Variants in EML4 observed in about 807,000 individuals in gnomAD.
The protein encoded by EML4 is echinoderm microtubule-associated protein-like 4.
EML4 carries 72 observed loss-of-function variants against 129.0 expected under a neutral mutation model. That is an observed-to-expected ratio of 0.56 (90% CI 0.46 to 0.68). The LOEUF is 0.68. Among genes scored for constraint, EML4 ranks in the 30% least tolerant of loss-of-function variants. EML4 has a pLI of 0.00. For synonymous variants in EML4, 532 were observed against 405.0 expected (o/e 1.31, Z -3.77); for missense variants, 1,363 against 1,190.6 (o/e 1.14, Z -2.13).
At chr2:42,273,124 G>C (rs1455518098) in intron 6 of EML4, among the ~76,000 whole-genome samples, 3 of 151,998 alleles carry the variant, frequency 2.0e-5, no homozygotes, top group Non-Finnish European at 2.9e-5. Context: ...GTGCAACTTG[G>C]TATATTCATA....
At chr2:42,284,956 A>T (rs1295156046) in intron 9 of EML4, among the ~76,000 whole-genome samples, 1 of 152,200 alleles carries the variant, frequency 6.6e-6, no homozygotes, top group African/African-American at 2.4e-5. Flanking sequence ...GGGAAAACTG[A>T]TACGCTCGTT....
intron 2 of EML4, among the ~76,000 whole-genome samples, chr2:42,248,266 G>T (rs1675540625): frequency 6.6e-6 from 1 of 151,926 alleles, no homozygotes; most frequent in South Asian, 2.1e-4. Context: ...ACAGTGCATT[G>T]TAATTTTATG....
At chr2:42,259,267 G>A (rs1430467804) in intron 3 of EML4, among the ~76,000 whole-genome samples, 1 of 151,526 alleles carries the variant, frequency 6.6e-6, no homozygotes, top group Non-Finnish European at 1.5e-5. Flanking sequence ...CAGGGGGAGG[G>A]GGGCGGCAGA....
intron 21 of EML4, among the ~76,000 whole-genome samples, chr2:42,328,400 G>A: frequency 6.6e-6 from 1 of 152,164 alleles, no homozygotes; most frequent in Admixed American, 6.5e-5. Flanking sequence ...ACTAGTGGAT[G>A]GCCTATGCTT....
chr2:42,326,569 G>A (rs1450373665), intron 21 of EML4, among the ~76,000 whole-genome samples: 1 of 152,156 alleles, frequency 6.6e-6, no homozygotes, highest in Non-Finnish European at 1.5e-5. Context: ...TGAGATACAT[G>A]CCATACAATT....
intron 1 of EML4, among the ~76,000 whole-genome samples, chr2:42,216,209 G>GCT (rs888630522): frequency 7.1e-6 from 1 of 140,050 alleles, no homozygotes; most frequent in Non-Finnish European, 1.5e-5. Flanking sequence ...ACAAGCATGA[G>GCT]CTACCACACC....
chr2:42,267,165 G>A lies in EML4; in HGVS notation c.667+2434G>A, dbSNP rs532713140. Among the ~76,000 whole-genome samples, 9 of 152,174 alleles carry A rather than the reference G, an allele frequency of 5.9e-5. No homozygotes were observed. In the South Asian group the frequency reaches 1.7e-3, roughly 28 times the overall value. ...AATAATAAGCCATTAAAGGGTTACT[G>A]TAAAAATTATAGTAATAAAGTGTAC... On this transcript the variant is annotated intron_variant, in intron 6 of 22. Coordinates refer to ENST00000318522, the MANE Select transcript of EML4 (RefSeq NM_019063.5).
intron 5 of EML4, among the ~76,000 whole-genome samples, chr2:42,264,115 T>TTG (rs1441705539): frequency 1.4e-5 from 2 of 143,422 alleles, no homozygotes; most frequent in Non-Finnish European, 3.1e-5. Flanking sequence ...TTTTTTTTTT[T>TTG]TTTTTTTTTT....
intron 6 of EML4, among the ~76,000 whole-genome samples, chr2:42,265,405 A>T (rs1038895115): frequency 2.6e-5 from 4 of 151,468 alleles, no homozygotes; most frequent in African/African-American, 9.7e-5. Flanking sequence ...GCACCCGGCC[A>T]ATTTTTGTAT....
At chr2:42,291,979 C>G (rs1359317414) in intron 11 of EML4, among the ~76,000 whole-genome samples, 1 of 152,072 alleles carries the variant, frequency 6.6e-6, no homozygotes, top group Non-Finnish European at 1.5e-5. Context: ...GTGAAAAAGA[C>G]AAAAATACTA....
intron 1 of EML4, among the ~76,000 whole-genome samples, chr2:42,208,767 T>C (rs191018194): frequency 1.3e-5 from 2 of 150,228 alleles, no homozygotes; most frequent in East Asian, 4.0e-4. Flanking sequence ...TTTTTTACTT[T>C]TTTGAGACAG....
chr2:42,303,592 T>C, intron 16 of EML4, 146 bp downstream of exon 16: 1 of 897,010 alleles, frequency 1.1e-6, no homozygotes, highest in East Asian at 2.7e-5. Flanking sequence ...GATAAGAGGG[T>C]AGCGTTTAGT....
intron 11 of EML4, among the ~76,000 whole-genome samples, chr2:42,293,810 C>T (rs1004996114): frequency 6.6e-6 from 1 of 152,186 alleles, no homozygotes; most frequent in Non-Finnish European, 1.5e-5. Context: ...GGGGTTTCAC[C>T]ATCTTGGCCA....
intron 1 of EML4, among the ~76,000 whole-genome samples, chr2:42,170,879 A>G (rs1186795860): frequency 6.6e-6 from 1 of 152,248 alleles, no homozygotes; most frequent in Admixed American, 6.5e-5. Context: ...GATGAGATGG[A>G]TTTTTAAAAT....
At chr2:42,301,212 C>T (rs757057682) in intron 13 of EML4, 29 bp from the exon 14 acceptor site, 3 of 1,584,220 alleles carry the variant, frequency 1.9e-6, no homozygotes, top group Non-Finnish European at 2.6e-6. Context: ...AGTATTATCA[C>T]TAGTGTTTTT....
At chr2:42,252,868 C>T (rs914312561) in intron 2 of EML4, among the ~76,000 whole-genome samples, 6 of 152,172 alleles carry the variant, frequency 3.9e-5, no homozygotes, top group African/African-American at 9.7e-5. Flanking sequence ...TTTCTTTGCA[C>T]TTCCATGATA....
intron 17 of EML4, among the ~76,000 whole-genome samples, chr2:42,308,759 C>G (rs1266944381): frequency 6.6e-6 from 1 of 152,156 alleles, no homozygotes; most frequent in Non-Finnish European, 1.5e-5. Flanking sequence ...CACCTCCCCC[C>G]TTACTCTAGG....
chr2:42,237,720 A>T (rs1674763941), intron 1 of EML4, among the ~76,000 whole-genome samples: 1 of 152,232 alleles, frequency 6.6e-6, no homozygotes. Context: ...ATAATAAAGT[A>T]AGCTAGAGTA....
At chr2:42,194,198 G>A (rs903651549) in intron 1 of EML4, among the ~76,000 whole-genome samples, 1 of 152,084 alleles carries the variant, frequency 6.6e-6, no homozygotes, top group Non-Finnish European at 1.5e-5. Context: ...ATCCTGTGGT[G>A]TTTGGTTAAG....
Sources: gnomAD v4.1 joint callset for allele counts (sites outside exome capture counted in the v4.1 genomes callset) on GRCh38, gnomAD v4.1.1 for gene constraint, MANE v1.5 for transcripts, NCBI Gene and HGNC (gene_info 2026-07-23, HGNC 2026-07-21) for gene names.